The following PIWIL2 variants were observed in gnomAD, a reference collection of about 807,000 sequenced individuals.
PIWIL2 encodes the protein piwi-like protein 2.
PIWIL2 carries 81 observed loss-of-function variants against 116.5 expected under a neutral mutation model. The observed-to-expected ratio is 0.70, with a 90% CI of 0.58 to 0.84. The LOEUF is 0.84. Ranked by LOEUF, PIWIL2 falls within the 40% of genes least tolerant of loss-of-function variation. PIWIL2 has a pLI of 0.00. For missense variants in PIWIL2, 1,272 were observed against 1,212.3 expected (o/e 1.05, Z -0.73); for synonymous variants, 489 against 429.5 (o/e 1.14, Z -1.71).
intron 4 of PIWIL2, among the ~76,000 whole-genome samples, 195 bp downstream of exon 4, chr8:22,281,710 C>T (rs1182231071): frequency 2.0e-5 from 3 of 151,846 alleles, no homozygotes; most frequent in African/African-American, 7.3e-5. Flanking sequence ...AAGTAGTTCT[C>T]CACTGGGCTG....
At chr8:22,298,889 T>A (rs919467537) in intron 10 of PIWIL2, among the ~76,000 whole-genome samples, 1 of 152,210 alleles carries the variant, frequency 6.6e-6, no homozygotes, top group Non-Finnish European at 1.5e-5. Context: ...CGTATTGGAT[T>A]AAGTCATCAG....
At chr8:22,347,539 T>TTTTTTTTTTTTTTTTTTTTC (rs1236817128) in intron 20 of PIWIL2, among the ~76,000 whole-genome samples, 1 of 134,988 alleles carries the variant, frequency 7.4e-6, no homozygotes, top group African/African-American at 2.8e-5. Flanking sequence ...TTTTTTTTTT[T>TTTTTTTTTTTTTTTTTTTTC]TATTTGAGAC....
chr8:22,304,173 C>A lies in PIWIL2; in HGVS notation c.1334C>A (p.Ser445Tyr). 1 of 1,613,506 alleles carries A rather than the reference C, an allele frequency of 6.2e-7. No individual in the cohort carries two copies. The highest frequency in any genetic ancestry group is 8.5e-7 in the Non-Finnish European group (1 of 1,179,620). ...ACTCCAAAGGATAGCTTCACGATGT[C>A]TGATGGGAAAGAGATCACATTCTTG... ...NKTPKDSFTMSDGKEITFLEY... is the reference protein window; with the variant it reads ...NKTPKDSFTMYDGKEITFLEY... Residue 445 changes from serine (S) to tyrosine (Y), a missense_variant, in exon 11 of 23, where the codon TCT becomes TAT. Physicochemically the swap from Ser to Tyr is moderately radical, Grantham distance 144 (BLOSUM62 -2). Transcript: ENST00000356766.
Position 22,345,692 on chromosome 8 carries a change from C to T in PIWIL2, c.2404-7267C>T, listed in dbSNP as rs562806485. 2.0e-5 allele frequency among the ~76,000 whole-genome samples: 3 copies of T among 152,124 alleles called. No individual in the cohort carries two copies. The South Asian group carries it at 6.2e-4, about 32-fold the overall frequency. On this transcript the variant is annotated intron_variant, in intron 20 of 22. Transcript: ENST00000356766. Reference sequence around the variant, plus strand: ...AATATAATGAAATAATTTTAAAAACCCACAAATGTCCACAAATTGATGAAT... The same window carrying T: ...AATATAATGAAATAATTTTAAAAACTCACAAATGTCCACAAATTGATGAAT...
intron 20 of PIWIL2, among the ~76,000 whole-genome samples, chr8:22,340,558 A>G (rs1352130539): frequency 6.6e-6 from 1 of 152,230 alleles, no homozygotes; most frequent in African/African-American, 2.4e-5. Flanking sequence ...GATAGGACAC[A>G]GAGACATAGG....
intron 20 of PIWIL2, among the ~76,000 whole-genome samples, chr8:22,325,322 G>C (rs571994264): frequency 7.2e-5 from 11 of 152,262 alleles, no homozygotes; most frequent in African/African-American, 2.6e-4. Context: ...GTGTAAGCCA[G>C]CCCTTCAGGT....
In PIWIL2 at chr8:22,332,565, AAT is replaced by A. The variant is rs202195937; in HGVS notation, c.2403+14300_2403+14301del. On this transcript the variant is annotated intron_variant, in intron 20 of 22. Coordinates refer to ENST00000356766, the MANE Select transcript of PIWIL2 (RefSeq NM_018068.5). ...TATAACACTGTTGAGGGTAAAGATA[AAT>A]ATATATATAGTAAGAACAGTCAAGG... Among the ~76,000 whole-genome samples the A allele has an allele frequency of 2.0e-5, 3 of 152,094 alleles. No homozygotes were observed. In the South Asian group the frequency reaches 6.2e-4, roughly 32 times the overall value.
At chr8:22,290,671 A>G (rs1028774641) in intron 10 of PIWIL2, among the ~76,000 whole-genome samples, 1 of 108,644 alleles carries the variant, frequency 9.2e-6, no homozygotes, top group Non-Finnish European at 1.7e-5. Context: ...CCAGCCTGCT[A>G]TGTTTCCTGG....
intron 20 of PIWIL2, 40 bp downstream of exon 20, chr8:22,318,315 G>GT (rs770137846): frequency 9.5e-5 from 113 of 1,186,198 alleles, no homozygotes; most frequent in Non-Finnish European, 1.2e-4. Context: ...GGGGTTTTTT[G>GT]TTTTTTTATT....
chr8:22,279,110 C>T (rs900069941), intron 1 of PIWIL2, among the ~76,000 whole-genome samples: 21 of 137,766 alleles, frequency 1.5e-4, no homozygotes, highest in South Asian at 2.2e-4. Context: ...AATTATCTTC[C>T]AGGAAACCAG....
Position 22,283,017 on chromosome 8 carries a change from C to G in PIWIL2, c.426-17C>G. 6 of 1,603,872 alleles carry G rather than the reference C, an allele frequency of 3.7e-6. No homozygotes were observed. Among genetic ancestry groups the G allele is most frequent in the Non-Finnish European group, 5.1e-6 (6 of 1,170,654 alleles). ...TATTATAAAAAACCCTGATTTGCCTCTCTCTCCACATTTCAGGACGCTTGG... is the reference window on the plus strand; with the variant it reads ...TATTATAAAAAACCCTGATTTGCCTGTCTCTCCACATTTCAGGACGCTTGG... On this transcript the variant is annotated splice_polypyrimidine_tract_variant and intron_variant, in intron 4 of 22. Transcript: ENST00000356766.
At chr8:22,339,321 C>A (rs1039931820) in intron 20 of PIWIL2, among the ~76,000 whole-genome samples, 3 of 152,082 alleles carry the variant, frequency 2.0e-5, no homozygotes, top group African/African-American at 4.8e-5. Flanking sequence ...TCCTGGGCAA[C>A]ATGGTGAAAC....
chr8:22,291,201 AGTG>A (rs1168758707), intron 10 of PIWIL2, among the ~76,000 whole-genome samples: 13 of 151,428 alleles, frequency 8.6e-5, no homozygotes, highest in African/African-American at 3.2e-4. Context: ...CTTAGGCTGA[AGTG>A]CAGTAGTGTG....
At chr8:22,304,971 G>A (rs138424167) in intron 12 of PIWIL2, 103 bp downstream of exon 12, 11 of 774,338 alleles carry the variant, frequency 1.4e-5, no homozygotes, top group African/African-American at 3.4e-5. Flanking sequence ...AGTAGCAATC[G>A]TAGTGTAGTT....
chr8:22,303,973 G>A (rs1427827687), intron 10 of PIWIL2, 48 bp from the exon 11 acceptor site: 4 of 1,286,214 alleles, frequency 3.1e-6, no homozygotes, highest in Non-Finnish European at 4.5e-6. Flanking sequence ...CTTTCATACT[G>A]TTCTGGATAT....
intron 15 of PIWIL2, 119 bp downstream of exon 15, chr8:22,310,193 C>G: frequency 1.6e-6 from 1 of 606,700 alleles, no homozygotes; most frequent in Non-Finnish European, 3.0e-6. Flanking sequence ...AATCCCCATT[C>G]TGAATTACCT....
At chr8:22,309,242 T>G (rs1026833254) in intron 14 of PIWIL2, among the ~76,000 whole-genome samples, 1 of 151,422 alleles carries the variant, frequency 6.6e-6, no homozygotes, top group Non-Finnish European at 1.5e-5. Context: ...TTACAGGTGT[T>G]AGCCACCACA....
intron 14 of PIWIL2, among the ~76,000 whole-genome samples, chr8:22,308,828 T>A (rs988135864): frequency 1.3e-5 from 2 of 152,152 alleles, no homozygotes; most frequent in South Asian, 2.1e-4. Flanking sequence ...TTTGTATTTT[T>A]AGTAGAGACG....
At chr8:22,354,179 T>C in intron 21 of PIWIL2, 92 bp from the exon 22 acceptor site, 1 of 820,044 alleles carries the variant, frequency 1.2e-6, no homozygotes, top group Non-Finnish European at 2.1e-6. Flanking sequence ...CTCTGAGCTT[T>C]AGTTGAAGGA....
Sources: allele counts gnomAD v4.1 joint callset (sites outside exome capture counted in the v4.1 genomes callset), GRCh38; gene constraint gnomAD v4.1.1; transcripts MANE v1.5; gene names NCBI Gene and HGNC (gene_info 2026-07-23, HGNC 2026-07-21).